MYH13: variants seen among roughly 807,000 people sequenced by gnomAD.
MYH13 encodes the protein myosin-13.
A neutral mutation model predicts 232.1 loss-of-function variants in MYH13; 177 were observed. The ratio of observed to expected loss-of-function variants is 0.76; its 90% CI spans 0.67 to 0.86. The LOEUF is 0.86. Ranked by LOEUF, MYH13 falls within the 40% of genes least tolerant of loss-of-function variation. MYH13 has a pLI of 0.00. For synonymous variants in MYH13, 884 were observed against 923.5 expected (o/e 0.96, Z 0.78); for missense variants, 2,246 against 2,405.9 (o/e 0.93, Z 1.39).
At chr17:10,344,171 A>T in intron 15 of MYH13, 62 bp from the exon 16 acceptor site, 1 of 1,562,682 alleles carries the variant, frequency 6.4e-7, no homozygotes, top group Non-Finnish European at 8.6e-7. Flanking sequence ...TGGTCTGGAG[A>T]AGCCAAAAAA....
At chr17:10,329,302 C>T (rs1017788855) in intron 21 of MYH13, among the ~76,000 whole-genome samples, 2 of 152,182 alleles carry the variant, frequency 1.3e-5, no homozygotes, top group South Asian at 2.1e-4. Flanking sequence ...GACTAGTCAT[C>T]AATGCTGCTA....
At chr17:10,340,551 C>T (rs866148829) in intron 16 of MYH13, 150 bp from the exon 17 acceptor site, 18 of 628,324 alleles carry the variant, frequency 2.9e-5, no homozygotes, top group African/African-American at 2.6e-4. Context: ...CGGAGTGTTG[C>T]TCTGTTGTCC....
chr17:10,300,970 G>C lies in MYH13; in HGVS notation c.5803-5C>G. ...TGAGCCTCATTCTTCCATCTTCTGTGGGAGAAAAAAATAATTGTACATAGG... is the reference window on the plus strand; with the variant it reads ...TGAGCCTCATTCTTCCATCTTCTGTCGGAGAAAAAAATAATTGTACATAGG... On this transcript the variant is annotated splice_region_variant and splice_polypyrimidine_tract_variant and intron_variant, in intron 40 of 40. Coordinates refer to ENST00000252172, the MANE Select transcript of MYH13 (RefSeq NM_003802.3). The C allele has an allele frequency of 6.2e-7, 1 of 1,611,874 alleles. No homozygotes were observed. The highest frequency in any genetic ancestry group is 1.1e-5 in the South Asian group (1 of 90,930).
chr17:10,360,193 A>G lies in MYH13; in HGVS notation c.506-5T>C. On this transcript the variant is annotated splice_polypyrimidine_tract_variant and splice_region_variant and intron_variant, in intron 5 of 40. Coordinates refer to ENST00000252172, the MANE Select transcript of MYH13 (RefSeq NM_003802.3). The stretch of plus-strand genomic sequence containing the variant: ...GGATAGACTGGTTGTCTCGATCTAG[A>G]AATGCAGAGGGAAGCAAAACAAAAC... 6.2e-7 allele frequency: 1 copy of G among 1,613,330 alleles called. No homozygotes were observed. The highest frequency in any genetic ancestry group is 8.5e-7 in the Non-Finnish European group (1 of 1,179,542).
chr17:10,362,109 A>T lies in MYH13; in HGVS notation c.505+9T>A. ...GCTTCAAAAAATATGAATCAAAGAA[A>T]TTACTCACCAGTCAGCATGAACTGA... On this transcript the variant is annotated intron_variant, in intron 5 of 40. Transcript: ENST00000252172. 1 of 1,613,834 alleles carries T rather than the reference A, an allele frequency of 6.2e-7. No homozygotes were observed. The highest frequency in any genetic ancestry group is 8.5e-7 in the Non-Finnish European group (1 of 1,179,872).
In MYH13 at chr17:10,300,871, T is replaced by C; in HGVS notation, c.*80A>G. On this transcript the variant is annotated 3_prime_UTR_variant, in exon 41 of 41. Coordinates refer to ENST00000252172, the MANE Select transcript of MYH13 (RefSeq NM_003802.3). ...AACACAGCAGAGCCGGGAATCCGAG[T>C]ATTTAGGAGAATTTATTTCTCACAC... 1 of 1,400,550 alleles carries C rather than the reference T, an allele frequency of 7.1e-7. No homozygotes were observed. The highest frequency in any genetic ancestry group is 1.0e-6 in the Non-Finnish European group (1 of 996,742). The allele number at this position is 1,400,550 out of a possible 1,614,324, so 86.8% of individuals were successfully genotyped here.
At chr17:10,361,538 C>A (rs1416151094) in intron 5 of MYH13, among the ~76,000 whole-genome samples, 2 of 152,166 alleles carry the variant, frequency 1.3e-5, no homozygotes, top group Non-Finnish European at 2.9e-5. Context: ...AGGTGATCCA[C>A]CTGCCTCGGC....
intron 11 of MYH13, among the ~76,000 whole-genome samples, chr17:10,353,368 T>A (rs562285889): frequency 4.3e-4 from 66 of 152,320 alleles, no homozygotes; most frequent in African/African-American, 1.5e-3. Flanking sequence ...AAAACAATTA[T>A]TATCAGCTGG....
At chr17:10,339,021 G>GA (rs2071599906) in intron 18 of MYH13, among the ~76,000 whole-genome samples, 1 of 152,166 alleles carries the variant, frequency 6.6e-6, no homozygotes, top group Non-Finnish European at 1.5e-5. Context: ...TTATGGACAA[G>GA]AAAGCTGAGG....
intron 13 of MYH13, 65 bp downstream of exon 13, chr17:10,346,615 G>A (rs947906536): frequency 1.6e-5 from 20 of 1,280,176 alleles, no homozygotes; most frequent in South Asian, 3.8e-5. Context: ...AACTGAAGGA[G>A]CTTTAAGATA....
intron 30 of MYH13, 85 bp from the exon 31 acceptor site, chr17:10,312,842 G>A (rs1299027960): frequency 1.4e-6 from 2 of 1,416,182 alleles, no homozygotes; most frequent in Non-Finnish European, 9.5e-7. Flanking sequence ...GAAATGAATA[G>A]CGTGGAAGGG....
chr17:10,354,722 C>T lies in MYH13; in HGVS notation c.963G>A (p.Thr321=), dbSNP rs200187139. ...CTTCACTGTCATCGATACTGGCTACCGTGACCTCTCCTTGGCTCACGAAGG... is the reference window on the plus strand; with the variant it reads ...CTTCACTGTCATCGATACTGGCTACTGTGACCTCTCCTTGGCTCACGAAGG... The part of the protein sequence containing the change: ...DFPFVSQGEV[T]VASIDDSEEL... The change falls in exon 11 of 41, where the codon ACG becomes ACA. Residue 321 remains threonine, a synonymous_variant. Transcript: ENST00000252172. 85 of 1,613,902 alleles carry T rather than the reference C, an allele frequency of 5.3e-5. No individual in the cohort carries two copies. The highest frequency in any genetic ancestry group is 8.0e-5 in the African/African-American group (6 of 75,000).
chr17:10,307,927 G>C (rs1375992617), intron 35 of MYH13, among the ~76,000 whole-genome samples: 1 of 152,042 alleles, frequency 6.6e-6, no homozygotes, highest in Non-Finnish European at 1.5e-5. Context: ...TTTTTATTGA[G>C]AACAATCTAA....
At chr17:10,329,998 TAAA>T (rs1555550352) in intron 21 of MYH13, among the ~76,000 whole-genome samples, 3 of 132,292 alleles carry the variant, frequency 2.3e-5, no homozygotes, top group Non-Finnish European at 3.3e-5. Flanking sequence ...AGACTCTGTC[TAAA>T]AAAAAAAAAA....
Position 10,324,036 on chromosome 17 carries a change from C to T in MYH13, c.2920G>A (p.Ala974Thr), listed in dbSNP as rs1907103862. Residue 974 changes from alanine (A) to threonine (T), a missense_variant, in exon 23 of 41, where the codon GCC (alanine) becomes ACC (threonine). By Grantham distance (58) the Ala-to-Thr change is moderately conservative. Coordinates refer to ENST00000252172, the MANE Select transcript of MYH13 (RefSeq NM_003802.3). The stretch of plus-strand genomic sequence containing the variant: ...GGTTTGCTCACCTTGTTCTCTGTGG[C>T]ATGCTTCTCCTTTTCAACTTTCGTC... ...TLTKVEKEKHATENKVKNLSE... is the reference protein window; with the variant it reads ...TLTKVEKEKHTTENKVKNLSE... The T allele has an allele frequency of 6.2e-7, 1 of 1,613,884 alleles. No homozygotes were observed. The highest frequency in any genetic ancestry group is 1.7e-5 in the Admixed American group (1 of 59,990).
chr17:10,306,479 T>C lies in MYH13; in HGVS notation c.5446A>G (p.Ile1816Val), dbSNP rs1016965350. Reference sequence around the variant, plus strand: ...TCTACCCGGTTCTCCAGTTTCTGGATCTGCTTCTTCCCGCCCTTCAGCGCC... The same window carrying C: ...TCTACCCGGTTCTCCAGTTTCTGGACCTGCTTCTTCCCGCCCTTCAGCGCC... ...QLALKGGKKQ[I>V]QKLENRVREL... is the part of the protein sequence containing the mutation. Residue 1816 changes from isoleucine to valine, a missense_variant, in exon 37 of 41, where the codon ATC (isoleucine) becomes GTC (valine). Physicochemically the swap from Ile to Val is conservative, Grantham distance 29. Coordinates refer to ENST00000252172, the MANE Select transcript of MYH13 (RefSeq NM_003802.3). The surrounding 1 kb of genome is among the most constrained non-coding windows in gnomAD (Gnocchi z 4.3). 3 of 1,614,046 alleles carry C rather than the reference T, an allele frequency of 1.9e-6. No homozygotes were observed. Among genetic ancestry groups the C allele is most frequent in the African/African-American group, 2.7e-5 (2 of 74,906 alleles).
chr17:10,302,019 C>A (rs955246638), intron 39 of MYH13, among the ~76,000 whole-genome samples: 2 of 152,122 alleles, frequency 1.3e-5, no homozygotes, highest in African/African-American at 4.8e-5. Context: ...CCCAAGGCAC[C>A]TGAAGGTATA....
chr17:10,305,066 C>T (rs1906229903), intron 37 of MYH13, among the ~76,000 whole-genome samples: 1 of 152,222 alleles, frequency 6.6e-6, no homozygotes, highest in Admixed American at 6.5e-5. Flanking sequence ...CACCCTCCAC[C>T]TCCTGGACCC....
rs560359249 is a variant in MYH13 at position 10,354,835 on chromosome 17, T to G, written c.902-52A>C. On this transcript the variant is annotated intron_variant, in intron 10 of 40. Transcript: ENST00000252172. ...GGCTTATGCATAACTTACTCTGGGTTGTTTTTTTTTTCCCAACGTCACCGA... is the reference window on the plus strand; with the variant it reads ...GGCTTATGCATAACTTACTCTGGGTGGTTTTTTTTTTCCCAACGTCACCGA... 1.8e-3 allele frequency: 2,758 copies of G among 1,531,954 alleles called. 54 individuals are homozygous for G. The African/African-American group carries it at 0.039, about 22-fold the overall frequency. 94.9% of individuals were successfully genotyped at this position (1,531,954 alleles called of 1,614,324 possible).
Sources: gnomAD v4.1 joint callset for allele counts (sites outside exome capture counted in the v4.1 genomes callset) on GRCh38, gnomAD v4.1.1 for gene constraint, Gnocchi (gnomAD v3.1) non-coding constraint, MANE v1.5 for transcripts, NCBI Gene and HGNC (gene_info 2026-07-23, HGNC 2026-07-21) for gene names.